CREBRF: variants seen among roughly 807,000 people sequenced by gnomAD.
CREBRF encodes the protein CREB3 regulatory factor, also known as UPF0474 protein C5orf41.
In CREBRF, 5 loss-of-function variants were observed where a neutral mutation model predicts 66.1. The ratio of observed to expected loss-of-function variants is 0.08; its 90% confidence interval spans 0.04 to 0.16. CREBRF has a LOEUF of 0.16. Ranked by LOEUF, CREBRF falls within the 10% of genes least tolerant of loss-of-function variation. The pLI is 1.00. For synonymous variants in CREBRF, 229 were observed against 264.4 expected (o/e 0.87, Z 1.30); for missense variants, 531 against 744.9 (o/e 0.71, Z 3.34).
At chr5:173,110,780 T>C (rs1355836013) in intron 6 of CREBRF, 69 bp downstream of exon 6, 1 of 1,077,554 alleles carries the variant, frequency 9.3e-7, no homozygotes, top group Non-Finnish European at 1.3e-6. Flanking sequence ...AAGTGAGTTT[T>C]TATAGAAGGA....
At chr5:173,118,362 A>G (rs970733469) in intron 7 of CREBRF, among the ~76,000 whole-genome samples, 1 of 152,102 alleles carries the variant, frequency 6.6e-6, no homozygotes, top group African/African-American at 2.4e-5. Flanking sequence ...TGATGAATCA[A>G]TTTGTCAGTT....
intron 5 of CREBRF, chr5:173,109,344 C>G (rs992359913): frequency 6.6e-6 from 1 of 152,382 alleles, no homozygotes; most frequent in African/African-American, 2.4e-5. Context: ...GTAGGTCAGG[C>G]CGTGTGCTGC....
chr5:173,096,818 A>C (rs2113750104), intron 4 of CREBRF, among the ~76,000 whole-genome samples: 1 of 152,182 alleles, frequency 6.6e-6, no homozygotes, highest in East Asian at 1.9e-4. Context: ...ATCTTGAAGC[A>C]TGTTGAATGT....
intron 2 of CREBRF, 136 bp downstream of exon 2, chr5:173,080,920 T>C: frequency 1.2e-6 from 1 of 809,488 alleles, no homozygotes; most frequent in Non-Finnish European, 2.0e-6. Flanking sequence ...CTCAGCTAGT[T>C]TTGAGTACAT....
chr5:173,122,571 T>C (rs1759163888), intron 7 of CREBRF, among the ~76,000 whole-genome samples: 1 of 46,414 alleles, frequency 2.2e-5, no homozygotes, highest in Non-Finnish European at 4.5e-5. Flanking sequence ...TTATTTCTTT[T>C]ATTATTATTA....
chr5:173,056,511 C>T, intron 1 of CREBRF, 32 bp downstream of exon 1: 1 of 398,376 alleles, frequency 2.5e-6, no homozygotes, highest in Non-Finnish European at 4.4e-6. Flanking sequence ...TCGGAACCCC[C>T]AGGGGCCTGG....
intron 1 of CREBRF, among the ~76,000 whole-genome samples, chr5:173,072,285 T>G (rs73331154): frequency 0.13 from 19,856 of 151,560 alleles, 2,203 homozygotes; most frequent in African/African-American, 0.29. Flanking sequence ...TTTATCCCTT[T>G]TTTTTTTTAA....
At chr5:173,124,706 T>C (rs1759223253) in intron 8 of CREBRF, 1 of 152,084 alleles carries the variant, frequency 6.6e-6, no homozygotes, top group African/African-American at 2.4e-5. Context: ...TTAGAGTTGG[T>C]CATTTTTAGT....
intron 4 of CREBRF, among the ~76,000 whole-genome samples, chr5:173,101,694 C>T (rs371466066): frequency 1.3e-5 from 2 of 151,798 alleles, no homozygotes; most frequent in African/African-American, 2.4e-5. Flanking sequence ...CTGGGATTAC[C>T]GACACCCACC....
At chr5:173,096,439 CCCCTCCCCTCTCCTCCCCTCTCCT>C (rs1318083341) in intron 4 of CREBRF, among the ~76,000 whole-genome samples, 3 of 65,992 alleles carry the variant, frequency 4.5e-5, no homozygotes, top group African/African-American at 9.3e-5. Context: ...TCCCTTCCCT[CCCCTCCCCTCTCCTCCCCTCTCCT>C]CCCTCCCCTC....
intron 1 of CREBRF, among the ~76,000 whole-genome samples, chr5:173,066,856 C>A (rs1268356968): frequency 7.2e-6 from 1 of 139,604 alleles, no homozygotes; most frequent in Non-Finnish European, 1.5e-5. Flanking sequence ...CATTCTGTTG[C>A]CCAGGCTGAG....
At position 173,078,606 on chromosome 5, in the gene CREBRF, T is replaced by G. The variant is rs572482553; in HGVS notation, c.-191-1979T>G. Among the ~76,000 whole-genome samples the G allele has an allele frequency of 2.7e-3, 416 of 151,700 alleles. 2 individuals are homozygous for G. The highest frequency in any genetic ancestry group is 4.3e-3 in the Non-Finnish European group (292 of 67,884). ...CGGGGTCTTGCTCTGTGGCCCAGGC[T>G]GGAGAGCAGTGGTGCGATCTCGGCT... On this transcript the variant is annotated intron_variant, in intron 1 of 8. Coordinates refer to ENST00000296953, the MANE Select transcript of CREBRF (RefSeq NM_153607.3).
At chr5:173,102,999 T>G (rs1483381614) in intron 4 of CREBRF, among the ~76,000 whole-genome samples, 1 of 152,200 alleles carries the variant, frequency 6.6e-6, no homozygotes, top group Non-Finnish European at 1.5e-5. Flanking sequence ...GGAGATCACA[T>G]GGTTAATTGA....
At chr5:173,060,227 A>G (rs1241008150) in intron 1 of CREBRF, 1 of 149,220 alleles carries the variant, frequency 6.7e-6, no homozygotes, top group Non-Finnish European at 1.5e-5. Context: ...ACATATATAT[A>G]TATATGTTTT....
chr5:173,108,843 T>C (rs1758808164), intron 5 of CREBRF, 25 bp downstream of exon 5: 2 of 1,592,790 alleles, frequency 1.3e-6, no homozygotes, highest in South Asian at 1.1e-5. Context: ...CAGTCAGATA[T>C]TTAGTGTCAC....
chr5:173,094,727 G>T (rs576870350), intron 4 of CREBRF, among the ~76,000 whole-genome samples: 1 of 152,168 alleles, frequency 6.6e-6, no homozygotes, highest in Non-Finnish European at 1.5e-5. Flanking sequence ...TCATTTCATA[G>T]GTAGTCCCTT....
intron 4 of CREBRF, among the ~76,000 whole-genome samples, chr5:173,103,718 A>G (rs1758682845): frequency 1.3e-5 from 2 of 152,222 alleles, no homozygotes; most frequent in Non-Finnish European, 2.9e-5. Flanking sequence ...GACAGGCTAC[A>G]ACTGTTTGGG....
At chr5:173,092,133 C>G (rs1758359587) in intron 4 of CREBRF, 1 of 894,688 alleles carries the variant, frequency 1.1e-6, no homozygotes, top group Non-Finnish European at 1.3e-6. Context: ...GCATGTGTCT[C>G]TCTATTATAG....
intron 1 of CREBRF, among the ~76,000 whole-genome samples, chr5:173,065,739 C>T (rs1298118297): frequency 1.3e-5 from 2 of 149,816 alleles, no homozygotes; most frequent in Non-Finnish European, 3.0e-5. Context: ...TGACCTGGGG[C>T]TCAAGTGATC....
Sources: gnomAD v4.1 joint callset for allele counts (sites outside exome capture counted in the v4.1 genomes callset) on GRCh38, gnomAD v4.1.1 for gene constraint, MANE v1.5 for transcripts, NCBI Gene and HGNC (gene_info 2026-07-23, HGNC 2026-07-21) for gene names.